The following OPHN1 variants were observed in gnomAD, a reference collection of about 807,000 sequenced individuals.
OPHN1 encodes the protein oligophrenin-1.
In OPHN1, 11 loss-of-function variants were observed where a neutral mutation model predicts 60.7. That is an observed-to-expected ratio of 0.18 (90% CI 0.11 to 0.30). The LOEUF is 0.30. OPHN1 is among the 10% of genes least tolerant of loss of function. OPHN1 has a pLI of 1.00. For synonymous variants in OPHN1, 226 were observed against 222.6 expected (o/e 1.02, Z -0.14); for missense variants, 449 against 611.0 (o/e 0.73, Z 2.80).
chrX:68,226,389 G>C (rs1010534122), intron 6 of OPHN1, among the ~76,000 whole-genome samples: 1 of 110,716 alleles, frequency 9.0e-6, no homozygotes, highest in Non-Finnish European at 1.9e-5. Flanking sequence ...ATGCCACAAA[G>C]ATACTGCTTG....
intron 2 of OPHN1, among the ~76,000 whole-genome samples, chrX:68,339,463 A>G (rs903446604): frequency 2.7e-5 from 3 of 111,991 alleles, no homozygotes; most frequent in African/African-American, 9.7e-5. Flanking sequence ...GGAAAGGAAG[A>G]AATAAAACTA....
rs759527997 is a variant in OPHN1, at chrX:68,407,582, G to T, written c.154+25285C>A. ...TGTACCTCAATGGATCATTATGGAG[G>T]TAAAATGAAACAATGCCTATAGGAA... On this transcript the variant is annotated intron_variant, in intron 2 of 24. Coordinates refer to ENST00000355520, the MANE Select transcript of OPHN1 (RefSeq NM_002547.3). 3.4e-4 allele frequency among the ~76,000 whole-genome samples: 38 copies of T among 111,925 alleles called. No individual in the cohort carries two copies. The South Asian group carries it at 0.014, about 42-fold the overall frequency.
chrX:68,178,566 G>A (rs1453016908), intron 15 of OPHN1, among the ~76,000 whole-genome samples: 1 of 110,660 alleles, frequency 9.0e-6, no homozygotes, highest in Non-Finnish European at 1.9e-5. Flanking sequence ...ACCACATCCA[G>A]TTAATTTTTG....
At chrX:68,175,426 AT>A (rs769720547) in intron 15 of OPHN1, among the ~76,000 whole-genome samples, 2 of 110,470 alleles carry the variant, frequency 1.8e-5, no homozygotes, top group South Asian at 3.8e-4. Context: ...CCAAACAAGA[AT>A]TTTTTTTCCT....
At chrX:68,350,284 A>G (rs1389631501) in intron 2 of OPHN1, among the ~76,000 whole-genome samples, 2 of 111,803 alleles carry the variant, frequency 1.8e-5, no homozygotes, top group Non-Finnish European at 3.8e-5. Context: ...TTTTCAAACT[A>G]TGAACTATTT....
intron 3 of OPHN1, among the ~76,000 whole-genome samples, chrX:68,296,362 T>G (rs2147623857): frequency 9.0e-6 from 1 of 111,233 alleles, no homozygotes; most frequent in African/African-American, 3.3e-5. Flanking sequence ...AATCATACAT[T>G]AAGAAGCAAA....
chrX:68,290,616 A>AG (rs939418684), intron 3 of OPHN1, among the ~76,000 whole-genome samples: 2 of 108,770 alleles, frequency 1.8e-5, no homozygotes, highest in African/African-American at 3.4e-5. Context: ...AAAGAAAGAA[A>AG]GGGAAAAAAA....
At chrX:68,077,377 A>T (rs2076957450) in intron 19 of OPHN1, among the ~76,000 whole-genome samples, 1 of 111,247 alleles carries the variant, frequency 9.0e-6, no homozygotes, top group Non-Finnish European at 1.9e-5. Flanking sequence ...ACACACACTG[A>T]TATCTATGCA....
intron 2 of OPHN1, among the ~76,000 whole-genome samples, chrX:68,394,191 G>A (rs1220825356): frequency 2.7e-5 from 3 of 110,479 alleles, no homozygotes; most frequent in South Asian, 7.6e-4. Context: ...CACCGCGCCC[G>A]GCCTGACTTT....
intron 18 of OPHN1, among the ~76,000 whole-genome samples, chrX:68,107,840 AT>A (rs2077088114): frequency 8.9e-6 from 1 of 112,095 alleles, no homozygotes; most frequent in Non-Finnish European, 1.9e-5. Context: ...AGATAGGTTC[AT>A]TGTAAAGATA....
At chrX:68,220,963 A>T (rs935844746) in intron 6 of OPHN1, among the ~76,000 whole-genome samples, 40 of 95,505 alleles carry the variant, frequency 4.2e-4, no homozygotes, top group African/African-American at 1.3e-3. Context: ...AATAAAGGGT[A>T]TTCAATTAGG....
rs72627696 is a variant in OPHN1 at position 68,390,903 on chromosome X, A to G, written c.154+41964T>C. ...AAATGACACAAATTTATTATCTTAC[A>G]ATTCTGGATGTCAGAAGTCCAAAGG... On this transcript the variant is annotated intron_variant, in intron 2 of 24. Transcript: ENST00000355520. 8.1e-4 allele frequency among the ~76,000 whole-genome samples: 91 copies of G among 112,090 alleles called. 1 individual carries two copies. The East Asian group carries it at 0.024, about 30-fold the overall frequency.
chrX:68,384,005 G>A (rs190894469), intron 2 of OPHN1, among the ~76,000 whole-genome samples: 1 of 111,534 alleles, frequency 9.0e-6, no homozygotes, highest in African/African-American at 3.3e-5. Context: ...GGGGAGAAAC[G>A]TATATGGGGG....
At chrX:68,320,434 C>G (rs1409937091) in intron 2 of OPHN1, among the ~76,000 whole-genome samples, 1 of 111,438 alleles carries the variant, frequency 9.0e-6, no homozygotes, top group African/African-American at 3.3e-5. Flanking sequence ...GTGACAATAC[C>G]AAATGCTGGT....
chrX:68,089,523 T>C (rs1334668309), intron 19 of OPHN1, among the ~76,000 whole-genome samples: 1 of 111,768 alleles, frequency 8.9e-6, no homozygotes, highest in East Asian at 2.8e-4. Flanking sequence ...TTGTGTCAAA[T>C]GTATAGCACC....
chrX:68,431,318 G>A (rs370133434), intron 2 of OPHN1, among the ~76,000 whole-genome samples: 17 of 112,280 alleles, frequency 1.5e-4, no homozygotes, highest in African/African-American at 4.8e-4. Flanking sequence ...GACCAAAAGT[G>A]GGCAGAGAGC....
At chrX:68,144,644 T>C (rs1048756498) in intron 15 of OPHN1, among the ~76,000 whole-genome samples, 2 of 112,178 alleles carry the variant, frequency 1.8e-5, no homozygotes, top group Non-Finnish European at 3.8e-5. Flanking sequence ...CTCAGAATTC[T>C]GAAAGTTTCC....
At chrX:68,351,324 C>T (rs1428364223) in intron 2 of OPHN1, among the ~76,000 whole-genome samples, 1 of 111,530 alleles carries the variant, frequency 9.0e-6, no homozygotes, top group Non-Finnish European at 1.9e-5. Flanking sequence ...GTCAGTAACA[C>T]TGTTTCCTCT....
intron 19 of OPHN1, among the ~76,000 whole-genome samples, chrX:68,088,206 C>A (rs963593080): frequency 3.6e-5 from 4 of 111,469 alleles, no homozygotes; most frequent in Admixed American, 1.9e-4. Flanking sequence ...AATCGGGTGT[C>A]ATTTCCCCTA....
Sources: gnomAD v4.1 joint callset for allele counts (sites outside exome capture counted in the v4.1 genomes callset) on GRCh38, gnomAD v4.1.1 for gene constraint, MANE v1.5 for transcripts, NCBI Gene and HGNC (gene_info 2026-07-23, HGNC 2026-07-21) for gene names.